TRPM3: variants seen among roughly 807,000 people sequenced by gnomAD.
The protein encoded by TRPM3 is transient receptor potential cation channel subfamily M member 3, also known as long transient receptor potential channel 3.
A neutral mutation model predicts 181.2 loss-of-function variants in TRPM3; 77 were observed. The ratio of observed to expected loss-of-function variants is 0.42; its 90% CI spans 0.35 to 0.51. The LOEUF is 0.51. Ranked by LOEUF, TRPM3 falls within the 20% of genes least tolerant of loss-of-function variation. The pLI, the probability that TRPM3 is intolerant of heterozygous loss-of-function variation, is 0.01. For missense variants in TRPM3, 1,759 were observed against 2,196.7 expected (o/e 0.80, Z 3.98); for synonymous variants, 745 against 796.4 (o/e 0.94, Z 1.09).
At chr9:71,377,247 T>C (rs1184868809) in intron 1 of TRPM3, among the ~76,000 whole-genome samples, 1 of 152,092 alleles carries the variant, frequency 6.6e-6, no homozygotes, top group Non-Finnish European at 1.5e-5. Flanking sequence ...CAGATCATTA[T>C]AATAAATCTA....
chr9:70,625,426 A>C lies in TRPM3; in HGVS notation c.1668+56T>G. On this transcript the variant is annotated intron_variant, in intron 13 of 25. Coordinates refer to ENST00000677713, the MANE Select transcript of TRPM3 (RefSeq NM_001366145.2). This position sits in a 1 kb window ranked among gnomAD's most constrained non-coding sequence, Gnocchi z 4.8. ...CGTATTCTGTAACTAGAGTAAAAAA[A>C]AAATAATGAAAAAAGAAACATATGA... 1 of 1,589,064 alleles carries C rather than the reference A, an allele frequency of 6.3e-7. No individual in the cohort carries two copies.
At chr9:70,914,006 C>A (rs2096564949) in intron 1 of TRPM3, among the ~76,000 whole-genome samples, 1 of 152,174 alleles carries the variant, frequency 6.6e-6, no homozygotes, top group African/African-American at 2.4e-5. Flanking sequence ...TAGATCACAG[C>A]CTTCAATGAC....
At chr9:71,210,355 T>A (rs2079413342) in intron 1 of TRPM3, among the ~76,000 whole-genome samples, 1 of 152,242 alleles carries the variant, frequency 6.6e-6, no homozygotes, top group Admixed American at 6.5e-5. Flanking sequence ...AATTATTTCA[T>A]TATATATTAC....
At chr9:71,171,415 C>G (rs1587768767) in intron 1 of TRPM3, among the ~76,000 whole-genome samples, 1 of 152,058 alleles carries the variant, frequency 6.6e-6, no homozygotes, top group East Asian at 1.9e-4. Context: ...CGGAACCTAC[C>G]GACATGTGAT....
At chr9:70,929,163 T>C (rs367887465) in intron 1 of TRPM3, among the ~76,000 whole-genome samples, 93 of 152,014 alleles carry the variant, frequency 6.1e-4, no homozygotes, top group African/African-American at 2.1e-3. Context: ...ACCTTAAACA[T>C]TGACTTTTTT....
Position 71,399,526 on chromosome 9 carries a change from G to GTT in TRPM3, c.183+47125_183+47126dup, listed in dbSNP as rs1166936123. Among the ~76,000 whole-genome samples, 611 of 62,652 alleles carry GTT rather than the reference G, an allele frequency of 9.8e-3. 30 individuals carry two copies. The highest frequency in any genetic ancestry group is 0.024 in the African/African-American group (535 of 22,262). 41.1% of individuals were successfully genotyped at this position (62,652 alleles called of 152,430 possible). The stretch of plus-strand genomic sequence containing the variant: ...CATTTTACTCCTTATATTTTCTTTT[G>GTT]TTTTTTTTTTTTTTTTTTTTGAGAA... On this transcript the variant is annotated intron_variant, in intron 1 of 24. Coordinates refer to the TRPM3 transcript ENST00000357533.
intron 24 of TRPM3, among the ~76,000 whole-genome samples, chr9:70,550,072 C>T (rs1343380170): frequency 6.6e-6 from 1 of 152,196 alleles, no homozygotes; most frequent in Non-Finnish European, 1.5e-5. Flanking sequence ...AGCCCTTTTG[C>T]AACCTCATTC....
chr9:71,192,047 T>C (rs2078063363), intron 1 of TRPM3, among the ~76,000 whole-genome samples: 1 of 151,902 alleles, frequency 6.6e-6, no homozygotes. Context: ...TTATATCATA[T>C]ACAGTAACCT....
intron 1 of TRPM3, among the ~76,000 whole-genome samples, chr9:71,220,291 C>T (rs1247435940): frequency 6.6e-6 from 1 of 151,872 alleles, no homozygotes; most frequent in Non-Finnish European, 1.5e-5. Flanking sequence ...TAGTAGATGT[C>T]ATTACTTTTC....
Position 71,121,274 on chromosome 9 carries a change from T to A in TRPM3, c.81A>T (p.Glu27Asp). ...FSFLFSWWNL[E>D]GVMNQADAPR... The stretch of plus-strand genomic sequence containing the variant: ...GAGCATCAGCCTGATTCATGACCCC[T>A]TCCAAATTCCACCAGGAAAACAAGA... Residue 27 changes from glutamate (E) to aspartate (D), a missense_variant, in exon 1 of 26, where the codon GAA becomes GAT. Physicochemically the swap from Glu to Asp is conservative, Grantham distance 45 (BLOSUM62 2). Around this residue, in one of 8 missense-constraint regions of TRPM3, gnomAD observed 737 missense variants for 957.4 expected, o/e 0.77. Coordinates refer to ENST00000677713, the MANE Select transcript of TRPM3 (RefSeq NM_001366145.2). 3.1e-6 allele frequency: 5 copies of A among 1,614,112 alleles called. No individual in the cohort carries two copies. The highest frequency in any genetic ancestry group is 4.2e-6 in the Non-Finnish European group (5 of 1,179,990).
intron 1 of TRPM3, among the ~76,000 whole-genome samples, chr9:70,993,695 G>C (rs377481913): frequency 1.3e-5 from 2 of 149,902 alleles, no homozygotes; most frequent in Non-Finnish European, 3.0e-5. Flanking sequence ...TCTGTGGAAG[G>C]AGCACAGGCA....
At chr9:70,806,690 A>AAAAAT (rs144668023) in intron 6 of TRPM3, among the ~76,000 whole-genome samples, 30,980 of 148,496 alleles carry the variant, frequency 0.21, 3,940 homozygotes, top group Non-Finnish European at 0.27. Flanking sequence ...ACTCCGTCTC[A>AAAAAT]AAAATAAAAT....
chr9:70,873,229 T>G (rs1489733935), intron 1 of TRPM3, among the ~76,000 whole-genome samples: 1 of 151,958 alleles, frequency 6.6e-6, no homozygotes. Context: ...TGGAAATAAA[T>G]GTATTGTGTT....
At chr9:70,626,876 G>A (rs761318388) in intron 12 of TRPM3, among the ~76,000 whole-genome samples, 4 of 152,104 alleles carry the variant, frequency 2.6e-5, no homozygotes, top group Non-Finnish European at 5.9e-5. Context: ...GAGGTATCCC[G>A]CTGCATCCTA....
At chr9:70,617,169 A>G (rs1451471373) in intron 17 of TRPM3, among the ~76,000 whole-genome samples, 1 of 152,182 alleles carries the variant, frequency 6.6e-6, no homozygotes, top group Non-Finnish European at 1.5e-5. Context: ...TGGCCGGCCT[A>G]CGAAGGCTCA....
At chr9:70,673,551 C>T (rs556157456) in intron 9 of TRPM3, among the ~76,000 whole-genome samples, 1 of 152,128 alleles carries the variant, frequency 6.6e-6, no homozygotes, top group Non-Finnish European at 1.5e-5. Context: ...ACTTTTATGT[C>T]TAAAATAGAT....
intron 9 of TRPM3, among the ~76,000 whole-genome samples, chr9:70,652,445 G>T (rs1324925022): frequency 1.3e-5 from 2 of 152,028 alleles, no homozygotes; most frequent in Non-Finnish European, 2.9e-5. Flanking sequence ...AAGGTGAAGT[G>T]AAGAAATAAG....
intron 22 of TRPM3, among the ~76,000 whole-genome samples, chr9:70,560,922 A>G (rs546649549): frequency 4.6e-5 from 7 of 152,326 alleles, no homozygotes; most frequent in Middle Eastern, 3.4e-3. Flanking sequence ...AGGGAAAAGA[A>G]GTATTTATTT....
At chr9:71,355,468 T>C (rs767334767) in intron 1 of TRPM3, among the ~76,000 whole-genome samples, 2 of 152,120 alleles carry the variant, frequency 1.3e-5, no homozygotes, top group African/African-American at 4.8e-5. Context: ...ATGGAACAGA[T>C]ACCCACTCAG....
Sources: allele counts gnomAD v4.1 joint callset (sites outside exome capture counted in the v4.1 genomes callset), GRCh38; gene constraint gnomAD v4.1.1; regional missense constraint gnomAD v4.1.1; non-coding constraint Gnocchi (gnomAD v3.1); transcripts MANE v1.5; gene names NCBI Gene and HGNC (gene_info 2026-07-23, HGNC 2026-07-21).